The following FAT2 variants were observed in gnomAD, a reference collection of about 807,000 sequenced individuals.
FAT2 encodes the protein FAT atypical cadherin 2, also known as protocadherin Fat 2.
In FAT2, 150 loss-of-function variants were observed where a neutral mutation model predicts 295.3. That is an observed-to-expected ratio of 0.51 (90% CI 0.44 to 0.58). FAT2 has a LOEUF of 0.58. Among genes scored for constraint, FAT2 ranks in the 20% least tolerant of loss-of-function variants. The pLI is 0.00. For synonymous variants in FAT2, 2,026 were observed against 2,150.3 expected, an observed-to-expected ratio of 0.94 and a Z score of 1.60; for missense variants, 4,868 against 5,442.7, an observed-to-expected ratio of 0.89 and a Z score of 3.32.
intron 1 of FAT2, among the ~76,000 whole-genome samples, chr5:151,587,517 A>G (rs552611531): frequency 6.6e-6 from 1 of 151,602 alleles, no homozygotes; most frequent in African/African-American, 2.4e-5. Context: ...TCCTTATTTA[A>G]CTCTCATTCA....
chr5:151,562,168 C>T (rs66495175), intron 3 of FAT2, among the ~76,000 whole-genome samples: 4 of 152,176 alleles, frequency 2.6e-5, no homozygotes, highest in South Asian at 4.1e-4. Flanking sequence ...ATCTCACCCA[C>T]CCCTCTGTCT....
chr5:151,567,176 T>A lies in FAT2; in HGVS notation c.1756A>T (p.Met586Leu), dbSNP rs776872270. 2 of 1,614,214 alleles carry A rather than the reference T, an allele frequency of 1.2e-6. No homozygotes were observed. Among genetic ancestry groups the A allele is most frequent in the East Asian group, 4.5e-5 (2 of 44,888 alleles). ...DWPVGKSIMTMSAIDVDELQN... is the reference protein window; with the variant it reads ...DWPVGKSIMTLSAIDVDELQN... ...AGCTCATCCACATCTATGGCTGACA[T>A]AGTCATTATCGATTTCCCTACTGGC... Residue 586 changes from methionine to leucine, a missense_variant, in exon 2 of 24, where the codon ATG (methionine) becomes TTG (leucine). Physicochemically the swap from Met to Leu is conservative, Grantham distance 15. This residue lies in a region of FAT2 where 3,297 missense variants were observed against 3,669.4 expected (regional missense o/e 0.90). Coordinates refer to ENST00000261800, the MANE Select transcript of FAT2 (RefSeq NM_001447.3).
chr5:151,564,797 G>A (rs530654914), intron 2 of FAT2, among the ~76,000 whole-genome samples: 2 of 152,312 alleles, frequency 1.3e-5, no homozygotes, highest in Admixed American at 1.3e-4. Context: ...TTTCGGCCGG[G>A]CATGGTGGCT....
In FAT2 at chr5:151,543,674, G is replaced by T. The variant is rs370519297; in HGVS notation, c.7453C>A (p.Leu2485Ile). The change falls in exon 10 of 24, where the codon CTT (leucine) becomes ATT (isoleucine). Residue 2485 changes from leucine (L) to isoleucine (I), a missense_variant. Physicochemically the swap from Leu to Ile is conservative, Grantham distance 5 (BLOSUM62 2). Coordinates refer to ENST00000261800, the MANE Select transcript of FAT2 (RefSeq NM_001447.3). The stretch of plus-strand genomic sequence containing the variant: ...TTCTCTGCTAATTCTGCCTCATAAA[G>T]GTGCTGCTGGAACTCTGGGCTGTAC... Reference protein sequence around the residue: ...NKYSPEFQQHLYEAELAENAM... With the variant: ...NKYSPEFQQHIYEAELAENAM... 1.2e-6 allele frequency: 2 copies of T among 1,614,174 alleles called. No homozygotes were observed. Among genetic ancestry groups the T allele is most frequent in the Admixed American group, 1.7e-5 (1 of 60,018 alleles).
chr5:151,580,407 CACAT>C, intron 1 of FAT2, among the ~76,000 whole-genome samples: 1 of 152,328 alleles, frequency 6.6e-6, no homozygotes, highest in East Asian at 1.9e-4. Context: ...ATTTAATGAA[CACAT>C]GCATGTATGA....
In FAT2 at chr5:151,522,058, G is replaced by A. The variant is rs759671829; in HGVS notation, c.10535C>T (p.Ser3512Leu). 6.9e-6 allele frequency: 11 copies of A among 1,598,006 alleles called. No homozygotes were observed. The highest frequency in any genetic ancestry group is 1.1e-5 in the South Asian group (1 of 90,406). Residue 3512 changes from serine to leucine, a missense_variant, in exon 19 of 24, where the codon TCG (serine) becomes TTG (leucine). By Grantham distance (145) the Ser-to-Leu change is moderately radical (BLOSUM62 -2). Coordinates refer to ENST00000261800, the MANE Select transcript of FAT2 (RefSeq NM_001447.3). ...ATGGACACGGACAGACGTCAAAGAC[G>A]AGAGGGGAGGGATGCCACTGTCTGA... ...QASDSGIPPLSSLTSVRVHVT... is the reference protein window; with the variant it reads ...QASDSGIPPLLSLTSVRVHVT...
At chr5:151,537,338 GAAAAGAAAA>G (rs2127597643) in intron 12 of FAT2, among the ~76,000 whole-genome samples, 1 of 100,028 alleles carries the variant, frequency 1.0e-5, no homozygotes, top group East Asian at 3.4e-4. Context: ...AGAAAGAAAA[GAAAAGAAAA>G]GAAAAAAGAA....
chr5:151,543,140 C>T lies in FAT2; in HGVS notation c.7987G>A (p.Ala2663Thr). 1 of 1,614,162 alleles carries T rather than the reference C, an allele frequency of 6.2e-7. No homozygotes were observed. The highest frequency in any genetic ancestry group is 8.5e-7 in the Non-Finnish European group (1 of 1,180,024). Reference sequence around the variant, plus strand: ...CAGTGAGGAGGGCCTCCATCTTGGGCTTTGATGAAGAAGTCAAGGGTCTGA... The same window carrying T: ...CAGTGAGGAGGGCCTCCATCTTGGGTTTTGATGAAGAAGTCAAGGGTCTGA... ...ENQTLDFFIK[A>T]QDGGPPHWNS... The change falls in exon 10 of 24, where the codon GCC (alanine) becomes ACC (threonine). Residue 2663 changes from alanine (A) to threonine (T), a missense_variant. Ala to Thr is a moderately conservative substitution (Grantham distance 58). This residue lies in a region of FAT2 where 3,297 missense variants were observed against 3,669.4 expected (regional missense o/e 0.90). Coordinates refer to ENST00000261800, the MANE Select transcript of FAT2 (RefSeq NM_001447.3).
rs778133337 is a variant in FAT2 at position 151,566,035 on chromosome 5, T to G, written c.2897A>C (p.Asp966Ala). ...PAGEVRYVLM[D>A]GAHGTFRVDL... ...CACCCGGAAGGTCCCATGGGCGCCA[T>G]CCATCAGAACATATCGCACTTCACC... is the stretch of plus-strand genomic sequence containing the variant. Residue 966 changes from aspartate (D) to alanine (A), a missense_variant, in exon 2 of 24, where the codon GAT (aspartate) becomes GCT (alanine). By Grantham distance (126) the Asp-to-Ala change is moderately radical (BLOSUM62 -2). Coordinates refer to ENST00000261800, the MANE Select transcript of FAT2 (RefSeq NM_001447.3). The G allele has an allele frequency of 6.2e-7, 1 of 1,614,112 alleles. No homozygotes were observed. Among genetic ancestry groups the G allele is most frequent in the East Asian group, 2.2e-5 (1 of 44,868 alleles).
At chr5:151,528,236 C>T (rs544314173) in intron 15 of FAT2, 103 bp from the exon 16 acceptor site, 46 of 1,394,710 alleles carry the variant, frequency 3.3e-5, no homozygotes, top group Non-Finnish European at 4.5e-5. Flanking sequence ...TGCCTTTGGG[C>T]TAGCAGTGCC....
chr5:151,537,443 G>GAAA (rs1216688617), intron 12 of FAT2, among the ~76,000 whole-genome samples: 3 of 26,616 alleles, frequency 1.1e-4, no homozygotes, highest in South Asian at 6.5e-4. Context: ...GAAAGGAGAG[G>GAAA]GGAGGGGAGG....
chr5:151,553,498 A>T (rs79294563), intron 5 of FAT2, 111 bp from the exon 6 acceptor site: 2 of 906,318 alleles, frequency 2.2e-6, no homozygotes, highest in Admixed American at 4.2e-5. Context: ...CAGGCCTCTC[A>T]TCCAGTCATT....
intron 1 of FAT2, among the ~76,000 whole-genome samples, chr5:151,585,140 GC>G (rs1402942397): frequency 6.6e-6 from 1 of 152,182 alleles, no homozygotes; most frequent in Non-Finnish European, 1.5e-5. Flanking sequence ...ATAGTAAATA[GC>G]CCCTAAAGAA....
intron 15 of FAT2, 22 bp downstream of exon 15, chr5:151,529,156 G>C (rs750284541): frequency 1.2e-6 from 2 of 1,609,738 alleles, no homozygotes; most frequent in East Asian, 2.2e-5. Context: ...GTCCCACAAA[G>C]AGCAAGGTGG....
At chr5:151,538,057 G>T in intron 11 of FAT2, 111 bp from the exon 12 acceptor site, 1 of 851,872 alleles carries the variant, frequency 1.2e-6, no homozygotes, top group Non-Finnish European at 1.8e-6. Flanking sequence ...GACACTAAGA[G>T]GGCAGAGACG....
Position 151,543,514 on chromosome 5 carries a change from G to T in FAT2, c.7613C>A (p.Ala2538Asp), listed in dbSNP as rs1561850233. 6.2e-7 allele frequency: 1 copy of T among 1,614,182 alleles called. No individual in the cohort carries two copies. The highest frequency in any genetic ancestry group is 2.2e-5 in the East Asian group (1 of 44,886). The change falls in exon 10 of 24, where the codon GCC becomes GAC. Residue 2538 changes from alanine to aspartate, a missense_variant. Around this residue, in one of 5 missense-constraint regions of FAT2, gnomAD observed 3,297 missense variants for 3,669.4 expected, o/e 0.90. Coordinates refer to ENST00000261800, the MANE Select transcript of FAT2 (RefSeq NM_001447.3). ...TTCCCGATCCAGTTTCTGCAGAGTGGCAATCTGGCCATTGGGGTTTATGGA... is the reference window on the plus strand; with the variant it reads ...TTCCCGATCCAGTTTCTGCAGAGTGTCAATCTGGCCATTGGGGTTTATGGA... ...KFSINPNGQI[A>D]TLQKLDRENS...
rs769108811 is a variant in FAT2, at chr5:151,565,802, T to C, written c.3130A>G (p.Asn1044Asp). The C allele has an allele frequency of 3.7e-6, 6 of 1,613,960 alleles. No homozygotes were observed. The highest frequency in any genetic ancestry group is 5.1e-6 in the Non-Finnish European group (6 of 1,179,986). ...SFVHQGQVQE[N>D]SPSGTQVIVV... ...ATCACCTGAGTTCCCGAGGGGCTGT[T>C]CTCCTGCACCTGGCCCTGGTGCACG... The change falls in exon 2 of 24, where the codon AAC (asparagine) becomes GAC (aspartate). Residue 1044 changes from asparagine (N) to aspartate (D), a missense_variant. Physicochemically the swap from Asn to Asp is conservative, Grantham distance 23. Around this residue, in one of 5 missense-constraint regions of FAT2, gnomAD observed 3,297 missense variants for 3,669.4 expected, o/e 0.90. Coordinates refer to ENST00000261800, the MANE Select transcript of FAT2 (RefSeq NM_001447.3).
chr5:151,584,243 C>T (rs1326387421), intron 1 of FAT2, among the ~76,000 whole-genome samples: 4 of 151,952 alleles, frequency 2.6e-5, no homozygotes, highest in African/African-American at 9.7e-5. Context: ...GGAAAACCGA[C>T]ACCTCAATGA....
intron 14 of FAT2, among the ~76,000 whole-genome samples, chr5:151,530,263 A>G (rs2127589668): frequency 6.6e-6 from 1 of 152,244 alleles, no homozygotes; most frequent in African/African-American, 2.4e-5. Context: ...AAAAAAAAAA[A>G]AAGCCAGTTA....
Sources: gnomAD v4.1 joint callset for allele counts (sites outside exome capture counted in the v4.1 genomes callset) on GRCh38, gnomAD v4.1.1 for gene constraint, gnomAD v4.1.1 regional missense constraint, MANE v1.5 for transcripts, NCBI Gene and HGNC (gene_info 2026-07-23, HGNC 2026-07-21) for gene names.